EPPIN: variants seen among roughly 807,000 people sequenced by gnomAD.
EPPIN encodes epididymal peptidase inhibitor, also known as WAP four-disulfide core domain protein 7.
Under a neutral mutation model 18.8 loss-of-function variants are expected in EPPIN, and 14 were observed. The observed-to-expected ratio is 0.75, with a 90% confidence interval of 0.49 to 1.17. The LOEUF (loss-of-function observed/expected upper bound fraction) is 1.17. Ranked by LOEUF, EPPIN falls within the 50% of genes most tolerant of loss-of-function variation. The probability of loss-of-function intolerance (pLI) is 0.00; values close to 1 mark genes in which losing one functional copy is unlikely to be tolerated. For synonymous variants in EPPIN, 57 were observed against 54.8 expected (o/e 1.04, Z -0.18); for missense variants, 143 against 154.2 (o/e 0.93, Z 0.39).
intron 3 of EPPIN, 160 bp from the exon 4 acceptor site, chr20:45,542,314 T>G (rs551826535): frequency 1.1e-6 from 1 of 910,490 alleles, no homozygotes; most frequent in African/African-American, 1.7e-5. Flanking sequence ...CAAATAGGAG[T>G]GAATCGCTGC....
rs776110456 is a variant in EPPIN, at chr20:45,542,862, A to G, written c.229T>C (p.Cys77Arg). 6 of 1,612,740 alleles carry G rather than the reference A, an allele frequency of 3.7e-6. No individual in the cohort carries two copies. Among genetic ancestry groups the G allele is most frequent in the East Asian group, 2.2e-5 (1 of 44,880 alleles). Reference sequence around the variant, plus strand: ...GGGCCAGTTTCTTTTGGCATTTCGCATACATCTGCAGAGAGACTCCAGAGT... The same window carrying G: ...GGGCCAGTTTCTTTTGGCATTTCGCGTACATCTGCAGAGAGACTCCAGAGT... ...KKCLDLKQDV[C>R]EMPKETGPCL... Residue 77 changes from cysteine (C) to arginine (R), a missense_variant, in exon 3 of 4, where the codon TGC (cysteine) becomes CGC (arginine). Cys to Arg is a radical substitution (Grantham distance 180). Coordinates refer to ENST00000354280, the MANE Select transcript of EPPIN (RefSeq NM_020398.4).
At chr20:45,543,003 C>G in intron 2 of EPPIN, 136 bp from the exon 3 acceptor site, 1 of 1,311,612 alleles carries the variant, frequency 7.6e-7, no homozygotes, top group Non-Finnish European at 1.0e-6. Flanking sequence ...AGGAGCACAG[C>G]TCCACTGACA....
intron 3 of EPPIN, 131 bp from the exon 4 acceptor site, chr20:45,542,285 C>T (rs1261781888): frequency 8.4e-7 from 1 of 1,192,928 alleles, no homozygotes; most frequent in Non-Finnish European, 1.2e-6. Flanking sequence ...GGGAGCTCTC[C>T]ATCTCCTTCA....
In EPPIN at chr20:45,542,712, A is replaced by G. The variant is rs1979650128; in HGVS notation, c.379T>C (p.Cys127Arg). The change falls in exon 3 of 4, where the codon TGC (cysteine) becomes CGC (arginine). Residue 127 changes from cysteine to arginine, a missense_variant. Physicochemically the swap from Cys to Arg is radical, Grantham distance 180. Transcript: ENST00000354280. ...FQSKANCLNT[C>R]KNKRFP ...CCCTAGGACTTACGTTTATTCTTGCAGGTGTTCAGGCAGTTGGCTTTGGAT... is the reference window on the plus strand; with the variant it reads ...CCCTAGGACTTACGTTTATTCTTGCGGGTGTTCAGGCAGTTGGCTTTGGAT... 3 of 1,613,544 alleles carry G rather than the reference A, an allele frequency of 1.9e-6. No homozygotes were observed. The highest frequency in any genetic ancestry group is 2.7e-5 in the African/African-American group (2 of 74,870).
intron 1 of EPPIN, chr20:45,546,161 G>A: frequency 3.5e-6 from 1 of 288,584 alleles, no homozygotes; most frequent in Non-Finnish European, 6.4e-6. Context: ...TCCAGGCACT[G>A]CAAAGGTCCC....
At position 45,542,663 on chromosome 20, in the gene EPPIN, C is replaced by T. The variant is rs376857550; in HGVS notation, c.391+37G>A. On this transcript the variant is annotated intron_variant, in intron 3 of 3. Transcript: ENST00000354280. Reference sequence around the variant, plus strand: ...AACACCCAGACCTCCCGGCATGGGACTGGAGAGGATGAAAGACCGGGGCCC... The same window carrying T: ...AACACCCAGACCTCCCGGCATGGGATTGGAGAGGATGAAAGACCGGGGCCC... 3 of 1,602,186 alleles carry T rather than the reference C, an allele frequency of 1.9e-6. No homozygotes were observed. In the African/African-American group the frequency reaches 4.0e-5, roughly 22 times the overall value.
At chr20:45,545,613 G>C (rs1979792259) in intron 2 of EPPIN, 26 bp downstream of exon 2, 5 of 1,613,632 alleles carry the variant, frequency 3.1e-6, no homozygotes, top group Middle Eastern at 1.7e-4. Context: ...AGGAGGGGTT[G>C]GTTATTCTGC....
chr20:45,544,872 G>A (rs561566898), intron 2 of EPPIN: 10 of 151,998 alleles, frequency 6.6e-5, no homozygotes, highest in African/African-American at 2.2e-4. Flanking sequence ...TACCATGCTC[G>A]TGCTCACTCT....
chr20:45,543,061 T>A, intron 2 of EPPIN, 194 bp from the exon 3 acceptor site: 1 of 886,994 alleles, frequency 1.1e-6, no homozygotes, highest in Non-Finnish European at 1.6e-6. Context: ...TCTGCATCCC[T>A]GGAGATAGGG....
chr20:45,545,593 G>A lies in EPPIN; in HGVS notation c.223+46C>T, dbSNP rs1351446780. On this transcript the variant is annotated intron_variant, in intron 2 of 3. Transcript: ENST00000354280. ...GCCAGTCCAGGAAGGCAGAAGGTGA[G>A]GACAGGGGGAGGAGGGGTTGGTTAT... 8 of 1,612,858 alleles carry A rather than the reference G, an allele frequency of 5.0e-6. No homozygotes were observed. The South Asian group carries it at 8.8e-5, about 18-fold the overall frequency.
At position 45,540,641 on chromosome 20, in the gene EPPIN, A is replaced by T. The variant is rs1177831550; in HGVS notation, c.*1503T>A. Reference sequence around the variant, plus strand: ...GAACAGACACTTCTCAAAAGAAGACATTTATGCGGCCAACAAACATATGAA... The same window carrying T: ...GAACAGACACTTCTCAAAAGAAGACTTTTATGCGGCCAACAAACATATGAA... On this transcript the variant is annotated 3_prime_UTR_variant, in exon 4 of 4. Coordinates refer to ENST00000354280, the MANE Select transcript of EPPIN (RefSeq NM_020398.4). 1 of 152,208 alleles carries T rather than the reference A, an allele frequency of 6.6e-6. No homozygotes were observed. The highest frequency in any genetic ancestry group is 1.9e-4 in the East Asian group (1 of 5,200). The allele number at this position is 152,208 out of a possible 1,614,324, so 9.4% of individuals were successfully genotyped here.
intron 3 of EPPIN, 75 bp downstream of exon 3, chr20:45,542,625 G>A: frequency 6.4e-7 from 1 of 1,553,674 alleles, no homozygotes; most frequent in Non-Finnish European, 8.7e-7. Context: ...AGCTGTCCTG[G>A]AATGGACCAG....
chr20:45,542,261 G>A (rs1979626676), intron 3 of EPPIN, 107 bp from the exon 4 acceptor site: 1 of 1,483,060 alleles, frequency 6.7e-7, no homozygotes. Flanking sequence ...CTAAAAAGTA[G>A]TGGGTTTGCT....
Position 45,545,687 on chromosome 20 carries a change from T to G in EPPIN, c.175A>C (p.Lys59Gln). ...TKDRQCQDNK[K>Q]CCVFSCGKKC... ...TTTCCGCAGCTGAAGACACAACACTTCTTGTTGTCCTGGCATTGTCTGTCC... is the reference window on the plus strand; with the variant it reads ...TTTCCGCAGCTGAAGACACAACACTGCTTGTTGTCCTGGCATTGTCTGTCC... Residue 59 changes from lysine (K) to glutamine (Q), a missense_variant, in exon 2 of 4, where the codon AAG (lysine) becomes CAG (glutamine). Coordinates refer to ENST00000354280, the MANE Select transcript of EPPIN (RefSeq NM_020398.4). 6.2e-7 allele frequency: 1 copy of G among 1,614,096 alleles called. No homozygotes were observed. The highest frequency in any genetic ancestry group is 8.5e-7 in the Non-Finnish European group (1 of 1,179,948).
intron 2 of EPPIN, chr20:45,543,491 A>C (rs966838067): frequency 6.6e-6 from 1 of 152,142 alleles, no homozygotes; most frequent in Non-Finnish European, 1.5e-5. Context: ...CATTTGGGTA[A>C]ATCTCCACTG....
At chr20:45,544,357 G>C (rs1456729038) in intron 2 of EPPIN, 1 of 152,142 alleles carries the variant, frequency 6.6e-6, no homozygotes, top group Non-Finnish European at 1.5e-5. Flanking sequence ...ACATCATGCA[G>C]ATCAATTGGA....
intron 1 of EPPIN, among the ~76,000 whole-genome samples, chr20:45,546,663 C>G (rs1979849193): frequency 6.6e-6 from 1 of 152,200 alleles, no homozygotes; most frequent in Non-Finnish European, 1.5e-5. Context: ...TTTGAACCCA[C>G]TAAGTCTGAT....
chr20:45,542,826 A>T lies in EPPIN; in HGVS notation c.265T>A (p.Tyr89Asn), dbSNP rs1979659230. The T allele has an allele frequency of 9.3e-6, 15 of 1,613,932 alleles. No individual in the cohort carries two copies. The highest frequency in any genetic ancestry group is 1.3e-5 in the Non-Finnish European group (15 of 1,179,842). The change falls in exon 3 of 4, where the codon TAT becomes AAT. Residue 89 changes from tyrosine (Y) to asparagine (N), a missense_variant. Physicochemically the swap from Tyr to Asn is moderately radical, Grantham distance 143. Transcript: ENST00000354280. ...MPKETGPCLA[Y>N]FLHWWYDKKD... The stretch of plus-strand genomic sequence containing the variant: ...TTGTCATACCACCAATGAAGAAAAT[A>T]AGCCAGGCAGGGGCCAGTTTCTTTT...
At chr20:45,545,388 T>C (rs1979781050) in intron 2 of EPPIN, 4 of 540,306 alleles carry the variant, frequency 7.4e-6, no homozygotes, top group Non-Finnish European at 1.2e-5. Context: ...AAGAATCTGA[T>C]TCAATGCCAC....
Sources: allele counts gnomAD v4.1 joint callset (sites outside exome capture counted in the v4.1 genomes callset), GRCh38; gene constraint gnomAD v4.1.1; transcripts MANE v1.5; gene names NCBI Gene and HGNC (gene_info 2026-07-23, HGNC 2026-07-21).